The following CHODL variants were observed in gnomAD, a reference collection of about 807,000 sequenced individuals.
CHODL encodes transmembrane protein MT75.
A neutral mutation model predicts 34.5 loss-of-function variants in CHODL; 29 were observed. That is an observed-to-expected ratio of 0.84 (90% CI 0.63 to 1.15). CHODL has a LOEUF of 1.15. CHODL is among the 50% of genes most tolerant of loss of function. CHODL has a pLI of 0.00. For missense variants in CHODL, 332 were observed against 332.5 expected, an observed-to-expected ratio of 1.00 and a Z score of 0.01; for synonymous variants, 125 against 116.1, an observed-to-expected ratio of 1.08 and a Z score of -0.49.
intron 2 of CHODL, among the ~76,000 whole-genome samples, chr21:18,237,993 GA>G (rs906951500): frequency 6.6e-6 from 1 of 152,124 alleles, no homozygotes; most frequent in Admixed American, 6.6e-5. Flanking sequence ...TGCAGTCATA[GA>G]AAAAACTGGG....
chr21:18,134,049 C>A (rs1039013810), intron 2 of CHODL, among the ~76,000 whole-genome samples: 13 of 152,104 alleles, frequency 8.5e-5, no homozygotes, highest in African/African-American at 3.1e-4. Context: ...TTTGCTTTGG[C>A]AATAGTAATA....
intron 1 of CHODL, among the ~76,000 whole-genome samples, chr21:18,000,952 A>G (rs1195369130): frequency 6.6e-6 from 1 of 152,152 alleles, no homozygotes; most frequent in African/African-American, 2.4e-5. Flanking sequence ...GATCCTAAAG[A>G]TTAGTTTAGC....
At chr21:18,006,148 C>T (rs1272022162) in intron 1 of CHODL, among the ~76,000 whole-genome samples, 1 of 152,134 alleles carries the variant, frequency 6.6e-6, no homozygotes, top group Non-Finnish European at 1.5e-5. Context: ...ATTGCTGAGG[C>T]TTCCCCAGCC....
At chr21:18,161,475 A>C (rs539342644) in intron 2 of CHODL, among the ~76,000 whole-genome samples, 150 of 152,304 alleles carry the variant, frequency 9.8e-4, no homozygotes, top group African/African-American at 3.5e-3. Flanking sequence ...CCCATTTACT[A>C]GCTGTTGTCC....
rs2031765754 is a variant in CHODL at position 18,006,666 on chromosome 21, A to G, written c.-144-21206A>G. ...CAGAGCAAGTGGTATTTTGGTTTAA[A>G]GTGATGAGATTACCCCTAGACCATC... is the stretch of plus-strand genomic sequence containing the variant. On this transcript the variant is annotated intron_variant, in intron 1 of 6. Coordinates refer to the CHODL transcript ENST00000400127. Among the ~76,000 whole-genome samples, 3 of 152,258 alleles carry G rather than the reference A, an allele frequency of 2.0e-5. No homozygotes were observed. In the South Asian group the frequency reaches 6.2e-4, roughly 31 times the overall value.
chr21:18,242,853 C>CA (rs1312951806), upstream of CHODL, among the ~76,000 whole-genome samples: 4 of 152,126 alleles, frequency 2.6e-5, no homozygotes, highest in Non-Finnish European at 4.4e-5. Context: ...TCCTTCCTGA[C>CA]AAAAAATGCC....
chr21:18,133,255 G>T (rs915732577), intron 2 of CHODL, among the ~76,000 whole-genome samples: 1 of 151,946 alleles, frequency 6.6e-6, no homozygotes, highest in Non-Finnish European at 1.5e-5. Flanking sequence ...CCAATTGTTC[G>T]ATGTTCATTA....
intron 1 of CHODL, among the ~76,000 whole-genome samples, chr21:18,248,574 G>A (rs2074172531): frequency 1.5e-5 from 2 of 136,946 alleles, no homozygotes; most frequent in Non-Finnish European, 3.1e-5. Flanking sequence ...TTTATAAAAG[G>A]TAATGTATTT....
At chr21:18,007,430 C>G (rs2063970995) in intron 1 of CHODL, among the ~76,000 whole-genome samples, 1 of 152,126 alleles carries the variant, frequency 6.6e-6, no homozygotes, top group Non-Finnish European at 1.5e-5. Context: ...GGATATAAAA[C>G]TCTCGTCAAA....
intron 2 of CHODL, among the ~76,000 whole-genome samples, chr21:18,186,918 A>G (rs1310069381): frequency 1.3e-5 from 2 of 152,164 alleles, no homozygotes; most frequent in Non-Finnish European, 2.9e-5. Flanking sequence ...TTTATCTTGC[A>G]TTTATTATAT....
At chr21:18,078,943 A>G (rs933400779) in intron 2 of CHODL, among the ~76,000 whole-genome samples, 1 of 152,164 alleles carries the variant, frequency 6.6e-6, no homozygotes, top group African/African-American at 2.4e-5. Flanking sequence ...ATCACAGCCC[A>G]TGTTCATATC....
At chr21:18,076,697 G>C (rs1026736000) in intron 2 of CHODL, among the ~76,000 whole-genome samples, 2 of 152,198 alleles carry the variant, frequency 1.3e-5, no homozygotes, top group East Asian at 3.9e-4. Context: ...TATTGTCTAA[G>C]ACAATAGAAG....
intron 2 of CHODL, among the ~76,000 whole-genome samples, chr21:18,120,683 A>G (rs553195763): frequency 1.3e-5 from 2 of 152,306 alleles, no homozygotes; most frequent in East Asian, 3.9e-4. Context: ...ACATATTTAA[A>G]TGTTTTCCTA....
At chr21:18,251,546 T>TAGAAA (rs1568957595) in intron 1 of CHODL, among the ~76,000 whole-genome samples, 1 of 1,040 alleles carries the variant, frequency 9.6e-4, no homozygotes, top group African/African-American at 1.9e-3. Flanking sequence ...TATTTTAATA[T>TAGAAA]ATAAATATTT....
At chr21:17,993,985 T>C (rs984958548) in intron 1 of CHODL, among the ~76,000 whole-genome samples, 12 of 152,216 alleles carry the variant, frequency 7.9e-5, no homozygotes, top group African/African-American at 2.7e-4. Context: ...TTTATTTTTT[T>C]GAGTCTTCTT....
At chr21:17,922,148 CAG>C (rs1437530492) in intron 1 of CHODL, among the ~76,000 whole-genome samples, 2 of 151,276 alleles carry the variant, frequency 1.3e-5, no homozygotes, top group African/African-American at 4.9e-5. Context: ...AGAAGTGAGA[CAG>C]AGAAGTCTAA....
intron 2 of CHODL, among the ~76,000 whole-genome samples, chr21:18,235,285 T>C (rs1321663055): frequency 6.6e-6 from 1 of 152,132 alleles, no homozygotes; most frequent in Non-Finnish European, 1.5e-5. Context: ...CATGTTTTTT[T>C]AATAGGACCT....
chr21:18,027,824 A>G (rs197512), intron 1 of CHODL: 101,834 of 152,382 alleles, frequency 0.67, 34,842 homozygotes, highest in African/African-American at 0.78. Context: ...GCCCTGATAA[A>G]GCAATACAAG....
At chr21:17,931,126 C>G (rs1479677043) in intron 1 of CHODL, among the ~76,000 whole-genome samples, 3 of 152,200 alleles carry the variant, frequency 2.0e-5, no homozygotes, top group East Asian at 1.9e-4. Flanking sequence ...CAGGAGCTCC[C>G]TCAGTCACTC....
Sources: allele counts gnomAD v4.1 joint callset (sites outside exome capture counted in the v4.1 genomes callset), GRCh38; gene constraint gnomAD v4.1.1; transcripts MANE v1.5; gene names NCBI Gene and HGNC (gene_info 2026-07-23, HGNC 2026-07-21).